MARCHF1: variants seen among roughly 807,000 people sequenced by gnomAD.
MARCHF1 encodes membrane associated ring-CH-type finger 1.
MARCHF1 carries 40 observed loss-of-function variants against 54.2 expected under a neutral mutation model. The observed-to-expected ratio is 0.74, with a 90% CI of 0.57 to 0.96. MARCHF1 has a LOEUF of 0.96. MARCHF1 is among the 40% of genes least tolerant of loss of function. MARCHF1 has a pLI of 0.00. For synonymous variants in MARCHF1, 236 were observed against 236.3 expected (o/e 1.00, Z 0.01); for missense variants, 586 against 656.5 (o/e 0.89, Z 1.17).
chr4:164,225,762 T>C (rs984325124), intron 1 of MARCHF1, among the ~76,000 whole-genome samples: 2 of 152,066 alleles, frequency 1.3e-5, no homozygotes, highest in African/African-American at 4.8e-5. Context: ...TACAACCATG[T>C]TGAAAAACAG....
chr4:163,594,111 T>C (rs1341076346), intron 7 of MARCHF1, among the ~76,000 whole-genome samples: 7 of 152,210 alleles, frequency 4.6e-5, no homozygotes, highest in Non-Finnish European at 7.4e-5. Context: ...TCATCTCAGA[T>C]TGGGGACCGG....
intron 1 of MARCHF1, among the ~76,000 whole-genome samples, chr4:164,241,452 C>A (rs4337693): frequency 0.82 from 124,407 of 152,120 alleles, 51,302 homozygotes; most frequent in South Asian, 0.89. Flanking sequence ...TTAATATTTT[C>A]ATCTTTTTTG....
intron 3 of MARCHF1, among the ~76,000 whole-genome samples, chr4:163,878,314 G>A (rs1043573328): frequency 3.3e-5 from 5 of 152,180 alleles, no homozygotes; most frequent in Admixed American, 2.6e-4. Context: ...ATTTGCTCAT[G>A]CATATGAATC....
At chr4:163,795,274 G>C (rs1561081437) in intron 4 of MARCHF1, among the ~76,000 whole-genome samples, 1 of 152,032 alleles carries the variant, frequency 6.6e-6, no homozygotes, top group African/African-American at 2.4e-5. Context: ...TTGTTGCCCA[G>C]GCTGGAGTGC....
At chr4:163,550,236 C>A (rs1404257714) in intron 8 of MARCHF1, among the ~76,000 whole-genome samples, 1 of 141,784 alleles carries the variant, frequency 7.1e-6, no homozygotes, top group Non-Finnish European at 1.5e-5. Context: ...GGGCCGAGAT[C>A]GCGCCACTGC....
chr4:163,972,586 G>A (rs769007256), intron 3 of MARCHF1, among the ~76,000 whole-genome samples: 15 of 152,024 alleles, frequency 9.9e-5, no homozygotes, highest in Non-Finnish European at 1.6e-4. Flanking sequence ...TTGCTCAGCC[G>A]CCCAGGCTGG....
chr4:163,897,016 A>G (rs1750824518), intron 3 of MARCHF1, among the ~76,000 whole-genome samples: 1 of 152,038 alleles, frequency 6.6e-6, no homozygotes, highest in Admixed American at 6.6e-5. Context: ...TCTCTCTACT[A>G]CTCGTGAATA....
chr4:163,599,807 C>T (rs1340503818), intron 7 of MARCHF1, among the ~76,000 whole-genome samples: 2 of 152,164 alleles, frequency 1.3e-5, no homozygotes, highest in Non-Finnish European at 2.9e-5. Context: ...TTTGATGCTA[C>T]TAGTCCAGGG....
At chr4:164,270,051 A>G (rs1733704825) in intron 1 of MARCHF1, among the ~76,000 whole-genome samples, 2 of 152,144 alleles carry the variant, frequency 1.3e-5, no homozygotes, top group African/African-American at 4.8e-5. Context: ...TAGTATTTAT[A>G]GTAAAAGTGA....
chr4:164,134,990 T>C (rs1756372455), intron 1 of MARCHF1, among the ~76,000 whole-genome samples: 1 of 152,316 alleles, frequency 6.6e-6, no homozygotes, highest in South Asian at 2.1e-4. Context: ...TTCCTTCACA[T>C]TTTATTTTGT....
At chr4:163,764,346 G>T (rs1429364189) in intron 4 of MARCHF1, among the ~76,000 whole-genome samples, 1 of 152,044 alleles carries the variant, frequency 6.6e-6, no homozygotes, top group African/African-American at 2.4e-5. Context: ...GTAAGGGTAA[G>T]AAATCGTATC....
At chr4:164,312,029 A>C (rs1191038173) in intron 1 of MARCHF1, among the ~76,000 whole-genome samples, 2 of 152,178 alleles carry the variant, frequency 1.3e-5, no homozygotes, top group Non-Finnish European at 2.9e-5. Context: ...TTCTCTATGC[A>C]TGTCAAAAAG....
intron 1 of MARCHF1, among the ~76,000 whole-genome samples, chr4:164,358,332 A>G (rs1436506365): frequency 6.6e-6 from 1 of 152,122 alleles, no homozygotes; most frequent in East Asian, 1.9e-4. Flanking sequence ...GGGGACATAA[A>G]TGCTATAAAG....
At chr4:164,124,152 C>T (rs1221374345) in intron 1 of MARCHF1, among the ~76,000 whole-genome samples, 5 of 147,268 alleles carry the variant, frequency 3.4e-5, no homozygotes, top group South Asian at 2.1e-4. Flanking sequence ...TATGAAAAAG[C>T]GCTCAACATC....
chr4:163,938,855 G>A (rs898687286), intron 3 of MARCHF1, among the ~76,000 whole-genome samples: 1 of 152,028 alleles, frequency 6.6e-6, no homozygotes, highest in Non-Finnish European at 1.5e-5. Flanking sequence ...CATCAGATCT[G>A]GTGAGAACTC....
chr4:164,258,913 G>A (rs1733370086), intron 1 of MARCHF1, among the ~76,000 whole-genome samples: 2 of 152,018 alleles, frequency 1.3e-5, no homozygotes, highest in South Asian at 4.1e-4. Flanking sequence ...CAGTACTTAT[G>A]TATCAACAAA....
chr4:164,040,880 C>T lies in MARCHF1; in HGVS notation c.-247-52171G>A, dbSNP rs113644868. On this transcript the variant is annotated intron_variant, in intron 2 of 9. Transcript: ENST00000514618. ...CTACAGATTATAGAATATACCATGA[C>T]ATTCTGAATTGTTTAATCTAATATA... 1.4e-3 allele frequency among the ~76,000 whole-genome samples: 209 copies of T among 152,130 alleles called. 1 individual carries two copies. Among genetic ancestry groups the T allele is most frequent in the Middle Eastern group, 3.4e-3 (1 of 294 alleles).
intron 2 of MARCHF1, among the ~76,000 whole-genome samples, chr4:164,099,529 T>A (rs1441870759): frequency 2.0e-5 from 3 of 152,138 alleles, no homozygotes; most frequent in Non-Finnish European, 4.4e-5. Context: ...AAGTATTACA[T>A]AAGCTACTCT....
intron 5 of MARCHF1, among the ~76,000 whole-genome samples, chr4:163,694,827 A>C (rs1269580502): frequency 2.0e-5 from 3 of 152,116 alleles, no homozygotes; most frequent in Non-Finnish European, 4.4e-5. Context: ...GTGTATATAA[A>C]TAACATGCTT....
Sources: gnomAD v4.1 joint callset for allele counts (sites outside exome capture counted in the v4.1 genomes callset) on GRCh38, gnomAD v4.1.1 for gene constraint, MANE v1.5 for transcripts, NCBI Gene and HGNC (gene_info 2026-07-23, HGNC 2026-07-21) for gene names.